KCNT2: variants seen among roughly 807,000 people sequenced by gnomAD.
The protein encoded by KCNT2 is potassium sodium-activated channel subfamily T member 2.
Under a neutral mutation model 153.8 loss-of-function variants are expected in KCNT2, and 67 were observed. The observed-to-expected ratio is 0.44, with a 90% CI of 0.36 to 0.53. The LOEUF (loss-of-function observed/expected upper bound fraction) is 0.53, where lower values mean the gene tolerates loss of function less well. KCNT2 is among the 20% of genes least tolerant of loss of function. KCNT2 has a pLI of 0.00. For missense variants in KCNT2, 975 were observed against 1,354.8 expected, an observed-to-expected ratio of 0.72 and a Z score of 4.40; for synonymous variants, 500 against 458.8, an observed-to-expected ratio of 1.09 and a Z score of -1.15.
intron 1 of KCNT2, among the ~76,000 whole-genome samples, chr1:196,529,983 T>C (rs2148845852): frequency 6.6e-6 from 1 of 152,136 alleles, no homozygotes; most frequent in Non-Finnish European, 1.5e-5. Context: ...ACAGGCCTGA[T>C]GACTCAGAAA....
At chr1:196,327,126 A>T (rs1663938906) in intron 18 of KCNT2, among the ~76,000 whole-genome samples, 1 of 152,184 alleles carries the variant, frequency 6.6e-6, no homozygotes, top group Non-Finnish European at 1.5e-5. Context: ...TGAAAGAGCC[A>T]ACATTTTGTG....
intron 17 of KCNT2, among the ~76,000 whole-genome samples, chr1:196,333,176 T>C (rs930915871): frequency 8.6e-5 from 13 of 151,392 alleles, no homozygotes; most frequent in African/African-American, 2.7e-4. Context: ...TGGCAAGCAA[T>C]GTCCTTAGTA....
chr1:196,383,907 C>T (rs980116706), intron 13 of KCNT2, among the ~76,000 whole-genome samples: 3 of 152,060 alleles, frequency 2.0e-5, no homozygotes, highest in African/African-American at 7.2e-5. Context: ...CCAGCTATAC[C>T]TTGCAGCAAA....
At chr1:196,321,987 A>G (rs1411152730) in intron 19 of KCNT2, among the ~76,000 whole-genome samples, 1 of 151,968 alleles carries the variant, frequency 6.6e-6, no homozygotes, top group Non-Finnish European at 1.5e-5. Flanking sequence ...GGCAAGCACA[A>G]CCTTTACATT....
At chr1:196,387,452 T>C (rs1421678797) in intron 13 of KCNT2, among the ~76,000 whole-genome samples, 1 of 152,106 alleles carries the variant, frequency 6.6e-6, no homozygotes, top group Non-Finnish European at 1.5e-5. Flanking sequence ...TATCTGTATG[T>C]CCACCCTATT....
intron 22 of KCNT2, among the ~76,000 whole-genome samples, chr1:196,302,631 G>A (rs2147968024): frequency 6.6e-6 from 1 of 151,854 alleles, no homozygotes; most frequent in African/African-American, 2.4e-5. Context: ...TAATAAAAAT[G>A]TCAGTGAGCC....
At chr1:196,476,410 C>A (rs1678534173) in intron 5 of KCNT2, among the ~76,000 whole-genome samples, 1 of 151,964 alleles carries the variant, frequency 6.6e-6, no homozygotes, top group Non-Finnish European at 1.5e-5. Context: ...TCTAGTTACC[C>A]AATATCCAGA....
At chr1:196,427,786 T>C (rs974861664) in intron 10 of KCNT2, among the ~76,000 whole-genome samples, 4 of 152,092 alleles carry the variant, frequency 2.6e-5, no homozygotes, top group Non-Finnish European at 5.9e-5. Flanking sequence ...AAATTCACTG[T>C]TCCATAAAAA....
chr1:196,572,653 T>TTG (rs1257862893), intron 1 of KCNT2, among the ~76,000 whole-genome samples: 13 of 152,098 alleles, frequency 8.5e-5, no homozygotes, highest in African/African-American at 3.1e-4. Context: ...TGGATACTAT[T>TTG]ATTGAAAAGT....
At chr1:196,240,792 A>G (rs1396498914) in intron 26 of KCNT2, among the ~76,000 whole-genome samples, 1 of 152,040 alleles carries the variant, frequency 6.6e-6, no homozygotes, top group Non-Finnish European at 1.5e-5. Flanking sequence ...GCAATGAGAA[A>G]ACATTGAAAG....
intron 1 of KCNT2, among the ~76,000 whole-genome samples, chr1:196,512,389 A>G (rs1681704536): frequency 6.6e-6 from 1 of 152,144 alleles, no homozygotes; most frequent in South Asian, 2.1e-4. Context: ...CTGTCTACTC[A>G]ATATTTCTAC....
intron 26 of KCNT2, among the ~76,000 whole-genome samples, chr1:196,241,123 A>G (rs1309719835): frequency 6.6e-6 from 1 of 152,020 alleles, no homozygotes; most frequent in Non-Finnish European, 1.5e-5. Context: ...ATACCACAGT[A>G]TGTTTGAATG....
chr1:196,526,662 AGGAT>A (rs1318919755), intron 1 of KCNT2, among the ~76,000 whole-genome samples: 1 of 152,108 alleles, frequency 6.6e-6, no homozygotes, highest in Non-Finnish European at 1.5e-5. Context: ...CATGTTGGCC[AGGAT>A]GGTCTCAATC....
intron 1 of KCNT2, among the ~76,000 whole-genome samples, chr1:196,605,924 C>T (rs958152503): frequency 6.6e-6 from 1 of 152,102 alleles, no homozygotes; most frequent in Non-Finnish European, 1.5e-5. Context: ...TTAAGAATTT[C>T]TTGAGGGATT....
chr1:196,519,574 G>T (rs1049560367), intron 1 of KCNT2, among the ~76,000 whole-genome samples: 1 of 151,818 alleles, frequency 6.6e-6, no homozygotes, highest in African/African-American at 2.4e-5. Context: ...AAAGAAATAA[G>T]ATCCAAATAA....
At chr1:196,547,764 T>G (rs1447118156) in intron 1 of KCNT2, among the ~76,000 whole-genome samples, 1 of 151,888 alleles carries the variant, frequency 6.6e-6, no homozygotes, top group Non-Finnish European at 1.5e-5. Context: ...TTCTGTATTT[T>G]TTATTTTTTA....
intron 25 of KCNT2, among the ~76,000 whole-genome samples, chr1:196,280,626 A>G (rs1205851528): frequency 6.6e-6 from 1 of 152,236 alleles, no homozygotes; most frequent in Non-Finnish European, 1.5e-5. Context: ...TCTAAAGCCC[A>G]ACATCCATAA....
chr1:196,296,612 G>A (rs574013584), intron 22 of KCNT2, among the ~76,000 whole-genome samples: 1 of 152,154 alleles, frequency 6.6e-6, no homozygotes, highest in Admixed American at 6.5e-5. Context: ...ATTCAGCACA[G>A]AATCTCTCAA....
intron 12 of KCNT2, among the ~76,000 whole-genome samples, chr1:196,422,223 T>A (rs1673271714): frequency 6.6e-6 from 1 of 152,010 alleles, no homozygotes; most frequent in Admixed American, 6.6e-5. Context: ...CAGTCCTAGA[T>A]TAATGTAAAA....
Sources: allele counts gnomAD v4.1 joint callset (sites outside exome capture counted in the v4.1 genomes callset), GRCh38; gene constraint gnomAD v4.1.1; transcripts MANE v1.5; gene names NCBI Gene and HGNC (gene_info 2026-07-23, HGNC 2026-07-21).